Variants in FOXP2 observed in about 807,000 individuals in gnomAD.
The protein encoded by FOXP2 is forkhead box P2.
In FOXP2, 12 loss-of-function variants were observed where a neutral mutation model predicts 115.8. The observed-to-expected ratio is 0.10, with a 90% CI of 0.07 to 0.17. The LOEUF is 0.17. Among genes scored for constraint, FOXP2 ranks in the 10% least tolerant of loss-of-function variants. The probability of loss-of-function intolerance (pLI) is 1.00; values close to 1 mark genes in which losing one functional copy is unlikely to be tolerated. For missense variants in FOXP2, 629 were observed against 843.5 expected, an observed-to-expected ratio of 0.75 and a Z score of 3.15; for synonymous variants, 328 against 297.7, an observed-to-expected ratio of 1.10 and a Z score of -1.05.
intron 16 of FOXP2, among the ~76,000 whole-genome samples, chr7:114,676,280 A>G (rs1807760608): frequency 6.6e-6 from 1 of 152,078 alleles, no homozygotes; most frequent in Non-Finnish European, 1.5e-5. Flanking sequence ...AGTTAAAGGT[A>G]TCCAAATTAA....
Position 114,577,434 on chromosome 7 carries a change from A to G in FOXP2, c.258+42728A>G, listed in dbSNP as rs188319210. ...AATTGCACTTATTTACTTTCAAATA[A>G]TCCTACTGTTTATCATAACAATAAG... On this transcript the variant is annotated intron_variant, in intron 3 of 16. Transcript: ENST00000350908. 1.5e-3 allele frequency among the ~76,000 whole-genome samples: 227 copies of G among 152,156 alleles called. 1 individual carries two copies. The highest frequency in any genetic ancestry group is 5.1e-3 in the African/African-American group (210 of 41,574).
intron 2 of FOXP2, among the ~76,000 whole-genome samples, chr7:114,519,556 C>T (rs904525960): frequency 6.6e-6 from 1 of 152,084 alleles, no homozygotes; most frequent in African/African-American, 2.4e-5. Flanking sequence ...TAAAGATGAT[C>T]AGAGTAAGTA....
chr7:114,682,614 T>G (rs1249931254), intron 16 of FOXP2, among the ~76,000 whole-genome samples: 1 of 152,162 alleles, frequency 6.6e-6, no homozygotes, highest in Non-Finnish European at 1.5e-5. Context: ...TATCCACTTT[T>G]TCTTTTGGAA....
At chr7:114,573,809 A>T (rs1399978703) in intron 3 of FOXP2, among the ~76,000 whole-genome samples, 1 of 151,814 alleles carries the variant, frequency 6.6e-6, no homozygotes, top group African/African-American at 2.4e-5. Flanking sequence ...GCAGGGAGAG[A>T]AAACAACTTA....
chr7:114,503,072 A>G (rs1361673659), intron 2 of FOXP2, among the ~76,000 whole-genome samples: 1 of 152,024 alleles, frequency 6.6e-6, no homozygotes, highest in African/African-American at 2.4e-5. Context: ...CAGGCATGGC[A>G]CAGCCGAAAG....
chr7:114,287,679 A>G (rs1259134338), intron 1 of FOXP2, among the ~76,000 whole-genome samples: 3 of 151,928 alleles, frequency 2.0e-5, no homozygotes, highest in Non-Finnish European at 4.4e-5. Context: ...GACGCAAATA[A>G]TTTTTTCTGT....
chr7:114,428,859 G>A (rs760905999), intron 2 of FOXP2, among the ~76,000 whole-genome samples: 1 of 151,430 alleles, frequency 6.6e-6, no homozygotes, highest in African/African-American at 2.4e-5. Context: ...CACAAGAAGT[G>A]AAAAAGTGAA....
At chr7:114,101,899 T>TTGTGTGTGTGTG (rs5886693) in intron 1 of FOXP2, among the ~76,000 whole-genome samples, 16 of 142,518 alleles carry the variant, frequency 1.1e-4, no homozygotes, top group African/African-American at 2.0e-4. Flanking sequence ...CTTCAACATT[T>TTGTGTGTGTGTG]TGTGTGTGTG....
chr7:114,299,376 T>C (rs1443776041), intron 2 of FOXP2, among the ~76,000 whole-genome samples: 5 of 152,080 alleles, frequency 3.3e-5, no homozygotes, highest in African/African-American at 1.2e-4. Flanking sequence ...TTTATTACTA[T>C]ACATAACATA....
intron 2 of FOXP2, among the ~76,000 whole-genome samples, chr7:114,332,902 A>T (rs1014524598): frequency 6.6e-6 from 1 of 152,194 alleles, no homozygotes; most frequent in African/African-American, 2.4e-5. Context: ...GAAAACTTCA[A>T]AAGTTTTCTG....
At chr7:114,105,197 A>T (rs1483020219) in intron 1 of FOXP2, among the ~76,000 whole-genome samples, 1 of 151,924 alleles carries the variant, frequency 6.6e-6, no homozygotes, top group African/African-American at 2.4e-5. Context: ...TTTTTGTGTA[A>T]TTTTTTCTGT....
At chr7:114,186,083 G>A (rs751087719) in intron 1 of FOXP2, among the ~76,000 whole-genome samples, 10 of 151,984 alleles carry the variant, frequency 6.6e-5, no homozygotes, top group Non-Finnish European at 1.5e-4. Flanking sequence ...ACCTCTTAAA[G>A]GCCACACCTC....
intron 2 of FOXP2, among the ~76,000 whole-genome samples, chr7:114,518,308 A>G (rs1049251351): frequency 2.0e-5 from 3 of 151,624 alleles, no homozygotes; most frequent in African/African-American, 7.2e-5. Context: ...ATATTCAATG[A>G]AATTTATGAA....
At chr7:114,663,651 G>C in intron 15 of FOXP2, 132 bp downstream of exon 15, 1 of 733,170 alleles carries the variant, frequency 1.4e-6, no homozygotes, top group Non-Finnish European at 2.3e-6. Context: ...GTAGTACCTA[G>C]TACTATAGAC....
intron 2 of FOXP2, among the ~76,000 whole-genome samples, chr7:114,392,753 A>G (rs1792633767): frequency 6.6e-6 from 1 of 152,200 alleles, no homozygotes; most frequent in Non-Finnish European, 1.5e-5. Flanking sequence ...CAGAAGACTG[A>G]ATTTGTATCC....
chr7:114,584,123 T>A (rs1340857653), intron 3 of FOXP2, among the ~76,000 whole-genome samples: 1 of 152,190 alleles, frequency 6.6e-6, no homozygotes, highest in Non-Finnish European at 1.5e-5. Flanking sequence ...GGGTCACATT[T>A]TAGTAAATGA....
intron 1 of FOXP2, among the ~76,000 whole-genome samples, chr7:114,257,480 G>A (rs1239660835): frequency 2.4e-5 from 3 of 122,606 alleles, no homozygotes; most frequent in African/African-American, 6.6e-5. Flanking sequence ...TTGAGATGGA[G>A]TCTTGCTCTG....
At chr7:114,167,312 T>C (rs562594924) in intron 1 of FOXP2, among the ~76,000 whole-genome samples, 3 of 152,236 alleles carry the variant, frequency 2.0e-5, no homozygotes, top group Non-Finnish European at 4.4e-5. Context: ...TATGTACTGC[T>C]AAGTGATTGA....
chr7:114,581,075 GCACACACACA>G (rs3028257), intron 3 of FOXP2, among the ~76,000 whole-genome samples: 26 of 144,762 alleles, frequency 1.8e-4, no homozygotes, highest in Middle Eastern at 3.5e-3. Context: ...ATAAACACAT[GCACACACACA>G]CACACACACA....
Sources: allele counts gnomAD v4.1 joint callset (sites outside exome capture counted in the v4.1 genomes callset), GRCh38; gene constraint gnomAD v4.1.1; transcripts MANE v1.5; gene names NCBI Gene and HGNC (gene_info 2026-07-23, HGNC 2026-07-21).